THSD7B: variants seen among roughly 807,000 people sequenced by gnomAD.
The protein encoded by THSD7B is thrombospondin type 1 domain containing 7B.
A neutral mutation model predicts 213.6 loss-of-function variants in THSD7B; 138 were observed. The ratio of observed to expected loss-of-function variants is 0.65; its 90% CI spans 0.56 to 0.74. The LOEUF (loss-of-function observed/expected upper bound fraction) is 0.74, where lower values mean the gene tolerates loss of function less well. THSD7B is among the 30% of genes least tolerant of loss of function. The pLI is 0.00. For missense variants in THSD7B, 1,931 were observed against 1,991.5 expected, an observed-to-expected ratio of 0.97 and a Z score of 0.58; for synonymous variants, 742 against 687.0, an observed-to-expected ratio of 1.08 and a Z score of -1.25.
At chr2:137,320,254 C>A (rs1383684187) in intron 12 of THSD7B, among the ~76,000 whole-genome samples, 2 of 152,058 alleles carry the variant, frequency 1.3e-5, no homozygotes, top group African/African-American at 2.4e-5. Flanking sequence ...CATTGTACTC[C>A]AGCTCTTATA....
chr2:136,851,974 CA>C (rs1683105546), intron 1 of THSD7B, among the ~76,000 whole-genome samples: 1 of 151,038 alleles, frequency 6.6e-6, no homozygotes, highest in Non-Finnish European at 1.5e-5. Flanking sequence ...ATAAGGGCCC[CA>C]AAAAGACACT....
chr2:137,236,517 C>T (rs935099638), intron 9 of THSD7B, among the ~76,000 whole-genome samples: 11 of 152,100 alleles, frequency 7.2e-5, no homozygotes, highest in South Asian at 4.1e-4. Flanking sequence ...TTTCTTTCCC[C>T]GGTGGCAGTG....
chr2:137,427,456 ATGTGCTTGTGTGTCTGTGTG>A (rs941380978), intron 14 of THSD7B, among the ~76,000 whole-genome samples: 7 of 151,678 alleles, frequency 4.6e-5, no homozygotes, highest in African/African-American at 1.5e-4. Flanking sequence ...TGTGTGGGGT[ATGTGCTTGTGTGTCTGTGTG>A]TGTGCTTGTG....
chr2:136,821,379 A>G (rs1285454628), intron 1 of THSD7B, among the ~76,000 whole-genome samples: 1 of 152,122 alleles, frequency 6.6e-6, no homozygotes, highest in Admixed American at 6.5e-5. Context: ...TGGAAACTCC[A>G]TCCTGTGTTA....
intron 16 of THSD7B, among the ~76,000 whole-genome samples, chr2:137,566,083 G>A (rs1314887690): frequency 1.3e-5 from 2 of 152,164 alleles, no homozygotes; most frequent in Non-Finnish European, 2.9e-5. Context: ...GAATGGAATA[G>A]CTCATCTGTT....
At chr2:137,090,132 T>C (rs1334883865) in intron 3 of THSD7B, among the ~76,000 whole-genome samples, 2 of 151,980 alleles carry the variant, frequency 1.3e-5, no homozygotes, top group Admixed American at 1.3e-4. Context: ...TATATGGCAA[T>C]ACTACATGTG....
chr2:137,319,605 AAGAT>A (rs1284731266), intron 12 of THSD7B, among the ~76,000 whole-genome samples: 1 of 152,216 alleles, frequency 6.6e-6, no homozygotes, highest in Non-Finnish European at 1.5e-5. Context: ...AAGCACTGAA[AAGAT>A]GTTATCATGG....
chr2:136,920,799 T>G (rs1684423644), intron 2 of THSD7B, among the ~76,000 whole-genome samples: 1 of 152,018 alleles, frequency 6.6e-6, no homozygotes, highest in South Asian at 2.1e-4. Context: ...CCTCCTGTGC[T>G]TCTTGGCACC....
At chr2:137,146,198 C>T (rs1679699709) in intron 5 of THSD7B, among the ~76,000 whole-genome samples, 1 of 151,924 alleles carries the variant, frequency 6.6e-6, no homozygotes, top group African/African-American at 2.4e-5. Flanking sequence ...ATCTTATTGG[C>T]TAAAGTATTA....
At chr2:137,360,762 C>T (rs1328843430) in intron 12 of THSD7B, among the ~76,000 whole-genome samples, 1 of 152,210 alleles carries the variant, frequency 6.6e-6, no homozygotes, top group Non-Finnish European at 1.5e-5. Context: ...CCTCTGTACA[C>T]CCCACCTCTG....
At chr2:137,257,539 T>C (rs1010541479) in intron 10 of THSD7B, among the ~76,000 whole-genome samples, 7 of 152,122 alleles carry the variant, frequency 4.6e-5, no homozygotes, top group Non-Finnish European at 8.8e-5. Context: ...GAGGGTCCTG[T>C]GCAAAATGGG....
At chr2:137,404,466 TATATATATAC>T (rs1210213507) in intron 12 of THSD7B, among the ~76,000 whole-genome samples, 93 of 73,950 alleles carry the variant, frequency 1.3e-3, no homozygotes, top group African/African-American at 3.1e-3. Flanking sequence ...TATATATATA[TATATATATAC>T]ACACACACAC....
intron 13 of THSD7B, among the ~76,000 whole-genome samples, chr2:137,407,682 C>T (rs1686559193): frequency 6.6e-6 from 1 of 152,058 alleles, no homozygotes; most frequent in Admixed American, 6.6e-5. Flanking sequence ...TTAATGCAAA[C>T]ACACACACTG....
intron 12 of THSD7B, among the ~76,000 whole-genome samples, chr2:137,277,500 C>A (rs144436281): frequency 6.2e-4 from 95 of 152,102 alleles, no homozygotes; most frequent in African/African-American, 2.2e-3. Context: ...TCTATCTTTT[C>A]TTTAAATTAA....
At chr2:137,479,930 A>G (rs1688268957) in intron 15 of THSD7B, among the ~76,000 whole-genome samples, 1 of 152,174 alleles carries the variant, frequency 6.6e-6, no homozygotes. Context: ...TGTTAGTATC[A>G]GGGTCCATGA....
intron 2 of THSD7B, 40 bp downstream of exon 2, chr2:136,882,357 A>C (rs920674225): frequency 1.4e-6 from 2 of 1,434,678 alleles, no homozygotes; most frequent in Non-Finnish European, 1.8e-6. Context: ...TATTTTCATT[A>C]ACAGGAAGAA....
intron 2 of THSD7B, among the ~76,000 whole-genome samples, chr2:136,926,858 A>C (rs1005638040): frequency 3.3e-5 from 5 of 152,028 alleles, no homozygotes; most frequent in Admixed American, 2.0e-4. Context: ...TCACTCACTA[A>C]GTCCCTTTCC....
intron 2 of THSD7B, among the ~76,000 whole-genome samples, chr2:136,933,106 C>CCATT (rs1030083685): frequency 8.7e-4 from 86 of 98,976 alleles, no homozygotes; most frequent in African/African-American, 3.9e-3. Flanking sequence ...ATTTTGCCCG[C>CCATT]CATTCCTTCC....
chr2:137,537,564 G>A (rs1489954683), intron 15 of THSD7B, among the ~76,000 whole-genome samples: 1 of 151,540 alleles, frequency 6.6e-6, no homozygotes, highest in East Asian at 1.9e-4. Context: ...ACTCTAATGT[G>A]CTTAGAGTTT....
Sources: gnomAD v4.1 joint callset for allele counts (sites outside exome capture counted in the v4.1 genomes callset) on GRCh38, gnomAD v4.1.1 for gene constraint, MANE v1.5 for transcripts, NCBI Gene and HGNC (gene_info 2026-07-23, HGNC 2026-07-21) for gene names.